Variants in CELF2 observed in about 807,000 individuals in gnomAD.
The protein encoded by CELF2 is CUGBP Elav-like family member 2, also known as CUG triplet repeat RNA-binding protein 2.
A neutral mutation model predicts 62.6 loss-of-function variants in CELF2; 8 were observed. The ratio of observed to expected loss-of-function variants is 0.13; its 90% CI spans 0.07 to 0.23. The LOEUF (loss-of-function observed/expected upper bound fraction) is 0.23, where lower values mean the gene tolerates loss of function less well. CELF2 is among the 10% of genes least tolerant of loss of function. CELF2 has a pLI of 1.00. For missense variants in CELF2, 333 were observed against 671.0 expected, an observed-to-expected ratio of 0.50 and a Z score of 5.56; for synonymous variants, 258 against 250.0, an observed-to-expected ratio of 1.03 and a Z score of -0.30.
intron 1 of CELF2, among the ~76,000 whole-genome samples, chr10:10,896,306 A>G (rs2062550316): frequency 6.6e-6 from 1 of 152,166 alleles, no homozygotes; most frequent in Admixed American, 6.5e-5. Context: ...TTAATTGAGC[A>G]AGATCCAATT....
At chr10:11,210,430 C>T (rs1212076692) in intron 2 of CELF2, among the ~76,000 whole-genome samples, 1 of 152,166 alleles carries the variant, frequency 6.6e-6, no homozygotes, top group Non-Finnish European at 1.5e-5. Flanking sequence ...AACGGAAATA[C>T]TTTTTATTTG....
intron 1 of CELF2, among the ~76,000 whole-genome samples, chr10:11,066,172 A>T (rs2068102573): frequency 6.6e-6 from 1 of 152,106 alleles, no homozygotes; most frequent in Non-Finnish European, 1.5e-5. Context: ...CTTTAAAGGG[A>T]TTTGAGCAGA....
intron 1 of CELF2, among the ~76,000 whole-genome samples, chr10:11,129,612 G>A (rs2059303750): frequency 6.6e-6 from 1 of 152,272 alleles, no homozygotes; most frequent in African/African-American, 2.4e-5. Context: ...TTGGGAGGGT[G>A]TATGTGTCGA....
At chr10:10,759,801 T>C in the CELF2 span, among the ~76,000 whole-genome samples, 4 of 152,244 alleles carry the variant, frequency 2.6e-5, no homozygotes, top group African/African-American at 9.6e-5. Context: ...TTCCTGAATA[T>C]GTAGGCTTGT....
At chr10:10,882,253 G>A (rs973785647) in intron 1 of CELF2, among the ~76,000 whole-genome samples, 12 of 152,130 alleles carry the variant, frequency 7.9e-5, no homozygotes, top group African/African-American at 2.7e-4. Flanking sequence ...AGAAAAGTGA[G>A]GTCCAAAGAC....
At chr10:10,462,701 C>G in the CELF2 span, among the ~76,000 whole-genome samples, 210 of 132,980 alleles carry the variant, frequency 1.6e-3, 1 homozygote, top group Non-Finnish European at 2.7e-3. Context: ...AGCGTGGCTT[C>G]CCTGCCGTGA....
rs200542291 is a variant in CELF2, at chr10:10,949,732, TGGA to T, written c.89+29736_89+29738del. ...ATGAGAACCACCTGAAGCTGGGAGGTGGAGGTTGCACTGAGCCAAGATCACACC... is the reference window on the plus strand; with the variant it reads ...ATGAGAACCACCTGAAGCTGGGAGGTGGTTGCACTGAGCCAAGATCACACC... On this transcript the variant is annotated intron_variant, in intron 2 of 13. Coordinates refer to the CELF2 transcript ENST00000636488. Among the ~76,000 whole-genome samples the T allele has an allele frequency of 1.0e-2, 1,453 of 145,574 alleles. 17 individuals are homozygous for T. Among genetic ancestry groups the T allele is most frequent in the African/African-American group, 0.035 (1,379 of 38,938 alleles).
chr10:10,831,298 G>A (rs984055895), intron 1 of CELF2, among the ~76,000 whole-genome samples: 3 of 152,176 alleles, frequency 2.0e-5, no homozygotes, highest in African/African-American at 7.2e-5. Flanking sequence ...ACTCCCTCAG[G>A]GTTGGCTGAA....
the CELF2 span, among the ~76,000 whole-genome samples, chr10:10,578,212 G>GT: frequency 1.3e-5 from 2 of 151,940 alleles, no homozygotes; most frequent in Non-Finnish European, 2.9e-5. Flanking sequence ...GGGGTTGTTT[G>GT]TTTTTTTCTT....
At chr10:10,632,949 T>C in the CELF2 span, among the ~76,000 whole-genome samples, 2 of 152,244 alleles carry the variant, frequency 1.3e-5, no homozygotes, top group Non-Finnish European at 2.9e-5. Flanking sequence ...TTACATCTTG[T>C]AGCTCACTTC....
chr10:10,826,060 C>A (rs181117524), intron 1 of CELF2, among the ~76,000 whole-genome samples: 264 of 152,118 alleles, frequency 1.7e-3, no homozygotes, highest in African/African-American at 6.2e-3. Flanking sequence ...GCTGTAGAGC[C>A]AAACAAATGC....
intron 8 of CELF2, among the ~76,000 whole-genome samples, chr10:11,286,975 T>A (rs927160921): frequency 6.6e-6 from 1 of 152,128 alleles, no homozygotes; most frequent in African/African-American, 2.4e-5. Context: ...TAAGTGGAAA[T>A]GCACCCTGGT....
chr10:10,999,408 T>C (rs1168353809), intron 2 of CELF2, among the ~76,000 whole-genome samples: 1 of 152,138 alleles, frequency 6.6e-6, no homozygotes, highest in East Asian at 1.9e-4. Context: ...GAGGGTGATA[T>C]AGAAAGGTAA....
chr10:10,986,094 T>C (rs1367737857), intron 2 of CELF2, among the ~76,000 whole-genome samples: 3 of 152,208 alleles, frequency 2.0e-5, no homozygotes, highest in Non-Finnish European at 4.4e-5. Flanking sequence ...ATTCCATAGA[T>C]AGTTGATTAG....
chr10:10,468,909 G>A, the CELF2 span, among the ~76,000 whole-genome samples: 1 of 151,836 alleles, frequency 6.6e-6, no homozygotes, highest in Non-Finnish European at 1.5e-5. Flanking sequence ...TGTTGCTCTA[G>A]TAGGGGCTCT....
chr10:10,834,741 C>T (rs1031195647), intron 1 of CELF2, among the ~76,000 whole-genome samples: 5 of 152,146 alleles, frequency 3.3e-5, no homozygotes, highest in Non-Finnish European at 7.4e-5. Flanking sequence ...CCACTTCAGA[C>T]AAAACTTTGG....
At chr10:10,508,066 A>C in the CELF2 span, among the ~76,000 whole-genome samples, 3 of 152,336 alleles carry the variant, frequency 2.0e-5, no homozygotes, top group Admixed American at 6.5e-5. Flanking sequence ...ATAAAAACAA[A>C]AATGAATAAG....
chr10:11,006,384 TTGCATTCTGC>T (rs1181650130), intron 1 of CELF2, among the ~76,000 whole-genome samples: 1 of 152,232 alleles, frequency 6.6e-6, no homozygotes, highest in East Asian at 1.9e-4. Flanking sequence ...ATAGAGCTTT[TTGCATTCTGC>T]CGCTATGTTG....
chr10:10,968,362 A>G (rs911301913), intron 2 of CELF2, among the ~76,000 whole-genome samples: 1 of 152,222 alleles, frequency 6.6e-6, no homozygotes, highest in African/African-American at 2.4e-5. Flanking sequence ...GATGATGTTT[A>G]GAATACCAGC....
Sources: allele counts gnomAD v4.1 joint callset (sites outside exome capture counted in the v4.1 genomes callset), GRCh38; gene constraint gnomAD v4.1.1; transcripts MANE v1.5; gene names NCBI Gene and HGNC (gene_info 2026-07-23, HGNC 2026-07-21).